Variants in TTLL11 observed in about 807,000 individuals in gnomAD.
The protein encoded by TTLL11 is tubulin polyglutamylase TTLL11.
Under a neutral mutation model 51.7 loss-of-function variants are expected in TTLL11, and 42 were observed. The ratio of observed to expected loss-of-function variants is 0.81; its 90% confidence interval spans 0.64 to 1.05. TTLL11 has a LOEUF of 1.05. TTLL11 is among the 50% of genes least tolerant of loss of function. The pLI is 0.00. For synonymous variants in TTLL11, 381 were observed against 383.5 expected, an observed-to-expected ratio of 0.99 and a Z score of 0.08; for missense variants, 799 against 940.4, an observed-to-expected ratio of 0.85 and a Z score of 1.97.
At chr9:122,030,112 G>C (rs1844486009) in intron 3 of TTLL11, among the ~76,000 whole-genome samples, 1 of 146,230 alleles carries the variant, frequency 6.8e-6, no homozygotes, top group African/African-American at 2.5e-5. Flanking sequence ...CCCGTCAAGT[G>C]ACTCATGACT....
At chr9:121,846,897 G>C (rs1235244234) in intron 8 of TTLL11, among the ~76,000 whole-genome samples, 5 of 152,080 alleles carry the variant, frequency 3.3e-5, no homozygotes, top group African/African-American at 1.2e-4. Context: ...AAAACAAACA[G>C]AAAGAAAGAA....
At position 121,826,533 on chromosome 9, in the gene TTLL11, G is replaced by GTATATATATATATATATA. The variant is rs1564260517; in HGVS notation, c.1841-3655_1841-3654insTATATATATATATATATA. ...TATATATGTATATATATATATGTGTGTGTGTATATATATATATGTGTGTGT... is the reference window on the plus strand; with the variant it reads ...TATATATGTATATATATATATGTGTGTATATATATATATATATATGTGTATATATATATATGTGTGTGT... On this transcript the variant is annotated intron_variant, in intron 8 of 8. Transcript: ENST00000321582. Among the ~76,000 whole-genome samples the GTATATATATATATATATA allele has an allele frequency of 7.8e-4, 40 of 51,148 alleles. 1 individual carries two copies. Among genetic ancestry groups the GTATATATATATATATATA allele is most frequent in the Middle Eastern group, 9.8e-3 (1 of 102 alleles). The allele number at this position is 51,148 out of a possible 152,430, so 33.6% of individuals were successfully genotyped here.
intron 8 of TTLL11, among the ~76,000 whole-genome samples, chr9:121,845,673 C>G (rs1182389878): frequency 1.3e-5 from 2 of 152,060 alleles, no homozygotes; most frequent in Non-Finnish European, 2.9e-5. Context: ...AGTACCTGCA[C>G]TATCTGTTAA....
chr9:121,852,506 G>A (rs1484346290), intron 8 of TTLL11, among the ~76,000 whole-genome samples: 1 of 152,126 alleles, frequency 6.6e-6, no homozygotes, highest in Non-Finnish European at 1.5e-5. Flanking sequence ...TAGGGAGAGG[G>A]GAGGCCTACA....
intron 6 of TTLL11, among the ~76,000 whole-genome samples, chr9:121,968,067 G>A (rs1415706728): frequency 6.6e-6 from 1 of 152,180 alleles, no homozygotes; most frequent in Admixed American, 6.5e-5. Flanking sequence ...GGTGACGGTT[G>A]CACGACTTTG....
At chr9:121,939,217 C>T (rs1282297785) in intron 6 of TTLL11, among the ~76,000 whole-genome samples, 1 of 151,934 alleles carries the variant, frequency 6.6e-6, no homozygotes, top group Non-Finnish European at 1.5e-5. Flanking sequence ...TATAATAAAA[C>T]TGGGGTTTAT....
intron 6 of TTLL11, among the ~76,000 whole-genome samples, chr9:121,891,736 C>G (rs1416971147): frequency 6.6e-6 from 1 of 152,064 alleles, no homozygotes; most frequent in African/African-American, 2.4e-5. Context: ...GATACAGGCT[C>G]AGAGAGGTTG....
At chr9:121,940,197 C>T (rs1046554715) in intron 6 of TTLL11, among the ~76,000 whole-genome samples, 2 of 152,138 alleles carry the variant, frequency 1.3e-5, no homozygotes, top group African/African-American at 4.8e-5. Context: ...TTTTTTGAAT[C>T]TTGTTTGATT....
intron 6 of TTLL11, among the ~76,000 whole-genome samples, chr9:121,904,868 C>T (rs995027628): frequency 1.3e-5 from 2 of 152,196 alleles, no homozygotes; most frequent in African/African-American, 4.8e-5. Context: ...CGTGAATAAC[C>T]TGAGCTCATG....
At chr9:122,050,352 G>T (rs557915882) in intron 1 of TTLL11, among the ~76,000 whole-genome samples, 1 of 152,182 alleles carries the variant, frequency 6.6e-6, no homozygotes, top group Admixed American at 6.5e-5. Flanking sequence ...GGACACTGCG[G>T]TGTGCGTGCA....
At position 121,870,626 on chromosome 9, in the gene TTLL11, A is replaced by G; in HGVS notation, c.1604T>C (p.Val535Ala). ...GAACTGTTTTGCGTACTTGGGGAAC[A>G]CCTGCTTGAGGCAAATGGAAGGCAG... ...AHLPSICLKQ[V>A]FPKYAKQFNY... Residue 535 changes from valine to alanine, a missense_variant, in exon 7 of 9, where the codon GTG becomes GCG. Around this residue, in one of 3 missense-constraint regions of TTLL11, gnomAD observed 468 missense variants for 612.8 expected, o/e 0.76. Coordinates refer to ENST00000321582, the MANE Select transcript of TTLL11 (RefSeq NM_001139442.2). 6.4e-7 allele frequency: 1 copy of G among 1,551,752 alleles called. No homozygotes were observed. The highest frequency in any genetic ancestry group is 8.7e-7 in the Non-Finnish European group (1 of 1,147,016).
At chr9:122,051,149 C>T (rs770252477) in intron 1 of TTLL11, among the ~76,000 whole-genome samples, 56 of 152,188 alleles carry the variant, frequency 3.7e-4, no homozygotes, top group Non-Finnish European at 7.4e-4. Flanking sequence ...ATAATAATTA[C>T]TATTGAGTAC....
chr9:121,957,927 C>G (rs7867048), intron 6 of TTLL11, among the ~76,000 whole-genome samples: 48,776 of 152,010 alleles, frequency 0.32, 8,096 homozygotes, highest in Middle Eastern at 0.36. Flanking sequence ...AGGAGGCTAA[C>G]GCTTCAGTTT....
At chr9:122,033,349 G>A (rs1176343682) in intron 2 of TTLL11, among the ~76,000 whole-genome samples, 7 of 152,120 alleles carry the variant, frequency 4.6e-5, no homozygotes, top group Non-Finnish European at 1.0e-4. Flanking sequence ...CTGACCTCAG[G>A]TGATCCACCC....
At chr9:121,954,153 G>A (rs1588151234) in intron 6 of TTLL11, among the ~76,000 whole-genome samples, 1 of 152,318 alleles carries the variant, frequency 6.6e-6, no homozygotes, top group East Asian at 1.9e-4. Context: ...CACTAGTATT[G>A]CTTCCTTTTC....
At position 121,865,351 on chromosome 9, in the gene TTLL11, C is replaced by T. The variant is rs186820549; in HGVS notation, c.1734-4908G>A. 9.9e-5 allele frequency among the ~76,000 whole-genome samples: 15 copies of T among 152,274 alleles called. No individual in the cohort carries two copies. The East Asian group carries it at 2.9e-3, about 29-fold the overall frequency. ...AAGGAAGAAAAACCTTCCCCTCATTCAAAAGGAGGCCCAGGATCAGAAGCC... is the reference window on the plus strand; with the variant it reads ...AAGGAAGAAAAACCTTCCCCTCATTTAAAAGGAGGCCCAGGATCAGAAGCC... On this transcript the variant is annotated intron_variant, in intron 7 of 8. Coordinates refer to ENST00000321582, the MANE Select transcript of TTLL11 (RefSeq NM_001139442.2).
chr9:122,046,427 T>C (rs1845004705), intron 1 of TTLL11, among the ~76,000 whole-genome samples: 2 of 152,148 alleles, frequency 1.3e-5, no homozygotes, highest in African/African-American at 4.8e-5. Context: ...CCTCTTTCCC[T>C]TATCAATTAC....
At chr9:121,877,253 A>C (rs1838600675) in intron 6 of TTLL11, among the ~76,000 whole-genome samples, 1 of 152,212 alleles carries the variant, frequency 6.6e-6, no homozygotes, top group Non-Finnish European at 1.5e-5. Context: ...AGTCCCTTAA[A>C]TTAGCCCTGC....
At chr9:121,917,051 T>C (rs138948139) in intron 6 of TTLL11, among the ~76,000 whole-genome samples, 1 of 152,282 alleles carries the variant, frequency 6.6e-6, no homozygotes, top group African/African-American at 2.4e-5. Context: ...GCCAGGGGTA[T>C]ATTCTGACTG....
Sources: gnomAD v4.1 joint callset for allele counts (sites outside exome capture counted in the v4.1 genomes callset) on GRCh38, gnomAD v4.1.1 for gene constraint, gnomAD v4.1.1 regional missense constraint, MANE v1.5 for transcripts, NCBI Gene and HGNC (gene_info 2026-07-23, HGNC 2026-07-21) for gene names.